PCDH19: variants seen among roughly 807,000 people sequenced by gnomAD.
PCDH19 encodes the protein protocadherin-19.
Under a neutral mutation model 46.2 loss-of-function variants are expected in PCDH19, and 6 were observed. The ratio of observed to expected loss-of-function variants is 0.13; its 90% CI spans 0.07 to 0.26. The LOEUF (loss-of-function observed/expected upper bound fraction) is 0.26, where lower values mean the gene tolerates loss of function less well. Ranked by LOEUF, PCDH19 falls within the 10% of genes least tolerant of loss-of-function variation. PCDH19 has a pLI of 1.00. For synonymous variants in PCDH19, 481 were observed against 415.7 expected, an observed-to-expected ratio of 1.16 and a Z score of -1.91; for missense variants, 740 against 972.3, an observed-to-expected ratio of 0.76 and a Z score of 3.18.
At chrX:100,368,331 C>G (rs1012561132) in intron 3 of PCDH19, among the ~76,000 whole-genome samples, 1 of 111,490 alleles carries the variant, frequency 9.0e-6, no homozygotes, top group Non-Finnish European at 1.9e-5. Flanking sequence ...GCAGACTGAG[C>G]TCTTTCCTGC....
chrX:100,310,201 T>C (rs1254597089), intron 5 of PCDH19, among the ~76,000 whole-genome samples: 1 of 111,524 alleles, frequency 9.0e-6, no homozygotes, highest in Non-Finnish European at 1.9e-5. Context: ...TAGATGAGAG[T>C]GTGGCGTGTA....
intron 3 of PCDH19, among the ~76,000 whole-genome samples, chrX:100,400,408 G>T (rs761275797): frequency 8.9e-6 from 1 of 111,963 alleles, no homozygotes; most frequent in Non-Finnish European, 1.9e-5. Context: ...TGCATGACAG[G>T]TGTGCCCATT....
At chrX:100,368,655 C>CTGA (rs1035044338) in intron 3 of PCDH19, among the ~76,000 whole-genome samples, 1 of 110,922 alleles carries the variant, frequency 9.0e-6, no homozygotes, top group Non-Finnish European at 1.9e-5. Flanking sequence ...CCCTAGAGGC[C>CTGA]TGACCCCATT....
chrX:100,407,815 G>A lies in PCDH19; in HGVS notation c.783C>T (p.Asn261=), dbSNP rs1928431100. 8.2e-7 allele frequency: 1 copy of A among 1,212,376 alleles called. No individual in the cohort carries two copies. Among genetic ancestry groups the A allele is most frequent in the Admixed American group, 2.2e-5 (1 of 46,158 alleles). ...SPPNTPVIRL[N]ASDPDEGTNG... ...TGGTGCCCTCGTCTGGATCGCTGGC[G>A]TTGAGGCGGATGACGGGTGTGTTGG... The change falls in exon 1 of 6, where the codon AAC becomes AAT. Residue 261 remains asparagine (N), a synonymous_variant. Transcript: ENST00000373034.
At chrX:100,377,333 A>G (rs946811070) in intron 3 of PCDH19, among the ~76,000 whole-genome samples, 5 of 111,638 alleles carry the variant, frequency 4.5e-5, no homozygotes, top group Non-Finnish European at 5.6e-5. Context: ...TATGATGAAC[A>G]TGTTGCCTTC....
At chrX:100,346,855 TATCA>T (rs10565053) in intron 4 of PCDH19, among the ~76,000 whole-genome samples, 9,070 of 110,880 alleles carry the variant, frequency 0.082, 443 homozygotes, top group African/African-American at 0.17. Flanking sequence ...TAGGAGTGGA[TATCA>T]GACAGCAGCC....
At chrX:100,338,141 G>T (rs2147481641) in intron 5 of PCDH19, among the ~76,000 whole-genome samples, 1 of 109,648 alleles carries the variant, frequency 9.1e-6, no homozygotes, top group South Asian at 3.9e-4. Context: ...AGGAGTTCGA[G>T]ACCAGCCTGC....
At chrX:100,299,743 G>C (rs1219167654) in intron 5 of PCDH19, among the ~76,000 whole-genome samples, 4 of 112,038 alleles carry the variant, frequency 3.6e-5, no homozygotes, top group Non-Finnish European at 5.6e-5. Context: ...AATGCAATCA[G>C]TCTAAGCCTC....
chrX:100,377,323 T>G (rs1426980104), intron 3 of PCDH19, among the ~76,000 whole-genome samples: 1 of 111,768 alleles, frequency 8.9e-6, no homozygotes, highest in Non-Finnish European at 1.9e-5. Flanking sequence ...ATAATGGCAT[T>G]ATGATGAACA....
chrX:100,407,014 C>A lies in PCDH19; in HGVS notation c.1584G>T (p.Ala528=). 8.3e-7 allele frequency: 1 copy of A among 1,211,750 alleles called. No individual in the cohort carries two copies. The highest frequency in any genetic ancestry group is 1.1e-6 in the Non-Finnish European group (1 of 895,492). The part of the protein sequence containing the change: ...LRSFNHEQTK[A]FEFKVLAKDG... ...CCTTGGCCAGCACCTTGAATTCGAA[C>A]GCCTTGGTCTGCTCGTGGTTAAAGG... is the stretch of plus-strand genomic sequence containing the variant. The change falls in exon 1 of 6, where the codon GCG becomes GCT. Residue 528 remains alanine, a synonymous_variant. Transcript: ENST00000373034.
At chrX:100,340,704 G>T (rs186464675) in intron 5 of PCDH19, among the ~76,000 whole-genome samples, 28 of 111,870 alleles carry the variant, frequency 2.5e-4, no homozygotes, top group African/African-American at 8.8e-4. Flanking sequence ...GCTGGGGAGG[G>T]AATGGATTAA....
chrX:100,407,878 C>T lies in PCDH19; in HGVS notation c.720G>A (p.Glu240=), dbSNP rs370965473. The T allele has an allele frequency of 2.5e-6, 3 of 1,211,210 alleles. No individual in the cohort carries two copies. The highest frequency in any genetic ancestry group is 2.2e-6 in the Non-Finnish European group (2 of 895,445). The change falls in exon 1 of 6, where the codon GAG becomes GAA. Residue 240 remains glutamate, a synonymous_variant. Coordinates refer to ENST00000373034, the MANE Select transcript of PCDH19 (RefSeq NM_001184880.2). ...CTGGCACGCTCACCGCGTAGGTGGA[C>T]TCGCTAAACACCGGGTTGTTGTCAT... ...DSNDNNPVFS[E]STYAVSVPEN...
intron 3 of PCDH19, among the ~76,000 whole-genome samples, chrX:100,354,873 C>T (rs1926668325): frequency 9.1e-6 from 1 of 110,176 alleles, no homozygotes; most frequent in Non-Finnish European, 1.9e-5. Flanking sequence ...AATCAGACAG[C>T]CAGGTTAACA....
intron 5 of PCDH19, among the ~76,000 whole-genome samples, chrX:100,333,194 A>AAAGAAAGC: frequency 1.6e-5 from 1 of 61,996 alleles, no homozygotes; most frequent in Non-Finnish European, 3.2e-5. Context: ...AGAAAGAAAG[A>AAAGAAAGC]AAGAAAGAAA....
intron 5 of PCDH19, among the ~76,000 whole-genome samples, chrX:100,314,856 ATTCCCACTCCTC>A (rs1198354315): frequency 8.9e-6 from 1 of 112,150 alleles, no homozygotes; most frequent in African/African-American, 3.2e-5. Flanking sequence ...TCATGAATTG[ATTCCCACTCCTC>A]TTCTCATCTT....
At chrX:100,347,516 CA>C (rs1926440639) in intron 4 of PCDH19, among the ~76,000 whole-genome samples, 1 of 111,847 alleles carries the variant, frequency 8.9e-6, no homozygotes, top group Admixed American at 9.5e-5. Flanking sequence ...AAACTTTCCT[CA>C]AGCCATTCCA....
At chrX:100,343,090 C>T (rs964362900) in intron 4 of PCDH19, among the ~76,000 whole-genome samples, 1 of 111,562 alleles carries the variant, frequency 9.0e-6, no homozygotes, top group African/African-American at 3.3e-5. Flanking sequence ...TGTTCTCTGC[C>T]TTACTGCTTG....
At chrX:100,347,781 A>G (rs1926448992) in intron 4 of PCDH19, among the ~76,000 whole-genome samples, 1 of 111,064 alleles carries the variant, frequency 9.0e-6, no homozygotes, top group South Asian at 3.8e-4. Flanking sequence ...ATAAGTTCTC[A>G]GCCAGGCACG....
chrX:100,399,088 A>G (rs1378701956), intron 3 of PCDH19, among the ~76,000 whole-genome samples: 1 of 112,158 alleles, frequency 8.9e-6, no homozygotes, highest in Non-Finnish European at 1.9e-5. Flanking sequence ...GCACATTCTA[A>G]ATGTATAATA....
Sources: gnomAD v4.1 joint callset for allele counts (sites outside exome capture counted in the v4.1 genomes callset) on GRCh38, gnomAD v4.1.1 for gene constraint, MANE v1.5 for transcripts, NCBI Gene and HGNC (gene_info 2026-07-23, HGNC 2026-07-21) for gene names.